Variants in ATXN7L1 observed in about 807,000 individuals in gnomAD.
ATXN7L1 encodes ataxin-7-like protein 1.
In ATXN7L1, 15 loss-of-function variants were observed where a neutral mutation model predicts 70.8. The observed-to-expected ratio is 0.21, with a 90% CI of 0.14 to 0.33. The LOEUF is 0.33. Among genes scored for constraint, ATXN7L1 ranks in the 10% least tolerant of loss-of-function variants. The probability of loss-of-function intolerance (pLI) is 1.00; values close to 1 mark genes in which losing one functional copy is unlikely to be tolerated. For synonymous variants in ATXN7L1, 440 were observed against 445.1 expected (o/e 0.99, Z 0.14); for missense variants, 975 against 1,097.1 (o/e 0.89, Z 1.57).
chr7:105,821,405 T>C (rs76463130), intron 2 of ATXN7L1, among the ~76,000 whole-genome samples: 2,872 of 152,320 alleles, frequency 0.019, 84 homozygotes, highest in African/African-American at 0.064. Flanking sequence ...AAAAACTGAC[T>C]AACACACACC....
At chr7:105,832,331 T>C (rs895210863) in intron 2 of ATXN7L1, among the ~76,000 whole-genome samples, 5 of 152,148 alleles carry the variant, frequency 3.3e-5, no homozygotes, top group African/African-American at 1.2e-4. Flanking sequence ...TGAAACCAAG[T>C]TTTACCTAAT....
chr7:105,613,920 T>A lies in ATXN7L1; in HGVS notation c.2414A>T (p.Asn805Ile). The A allele has an allele frequency of 6.4e-7, 1 of 1,551,890 alleles. No homozygotes were observed. The highest frequency in any genetic ancestry group is 8.7e-7 in the Non-Finnish European group (1 of 1,146,944). ...MPGMNSVHKK[N>I]PPSLLAPVPD... ...CACCGGTGCGAGAAGGCTGGGCGGG[T>A]TCTTTTTGTGAACGCTATTCATACC... The change falls in exon 10 of 12, where the codon AAC (asparagine) becomes ATC (isoleucine). Residue 805 changes from asparagine to isoleucine, a missense_variant. Around this residue, in one of 5 missense-constraint regions of ATXN7L1, gnomAD observed 635 missense variants for 699.4 expected, o/e 0.91. Coordinates refer to ENST00000419735, the MANE Select transcript of ATXN7L1 (RefSeq NM_020725.2).
intron 4 of ATXN7L1, among the ~76,000 whole-genome samples, chr7:105,659,815 C>T (rs2116032538): frequency 6.6e-6 from 1 of 152,304 alleles, no homozygotes; most frequent in African/African-American, 2.4e-5. Context: ...CTCTCTAGTC[C>T]TGGCCCATAC....
At chr7:105,629,486 A>T (rs1796256416) in intron 7 of ATXN7L1, among the ~76,000 whole-genome samples, 1 of 147,850 alleles carries the variant, frequency 6.8e-6, no homozygotes, top group African/African-American at 2.5e-5. Context: ...ATTATTTTTT[A>T]TATATATGTA....
chr7:105,832,988 C>T (rs1232596666), intron 2 of ATXN7L1, among the ~76,000 whole-genome samples: 1 of 152,204 alleles, frequency 6.6e-6, no homozygotes, highest in African/African-American at 2.4e-5. Flanking sequence ...AGATTCTCCA[C>T]AGAGCAGAGC....
At chr7:105,633,539 G>A (rs1796916606) in intron 7 of ATXN7L1, among the ~76,000 whole-genome samples, 1 of 152,056 alleles carries the variant, frequency 6.6e-6, no homozygotes, top group Admixed American at 6.5e-5. Flanking sequence ...CCAACACGGT[G>A]AAACCCCCAT....
At position 105,664,935 on chromosome 7, in the gene ATXN7L1, T is replaced by C. The variant is rs1802391199; in HGVS notation, c.578+131A>G. The C allele has an allele frequency of 6.3e-6, 6 of 946,656 alleles. No individual in the cohort carries two copies. In the South Asian group the frequency reaches 8.4e-5, roughly 13 times the overall value. The allele number at this position is 946,656 out of a possible 1,614,324, so 58.6% of individuals were successfully genotyped here. A position where few individuals can be genotyped will look rare whatever the true frequency, so the allele number is the denominator to read the frequency against. On this transcript the variant is annotated intron_variant, in intron 4 of 11. Coordinates refer to ENST00000419735, the MANE Select transcript of ATXN7L1 (RefSeq NM_020725.2). ...TCCATCATTTTGGGTTTCTGTCCTT[T>C]CATTCCTCAGTCCCCCAAATTCCTG... is the stretch of plus-strand genomic sequence containing the variant.
intron 2 of ATXN7L1, among the ~76,000 whole-genome samples, chr7:105,829,451 TA>T: frequency 6.6e-6 from 1 of 151,986 alleles, no homozygotes; most frequent in Middle Eastern, 3.4e-3. Context: ...GACTTTGTCT[TA>T]AAAAACAAAC....
At chr7:105,636,860 T>C (rs1797459649) in intron 7 of ATXN7L1, among the ~76,000 whole-genome samples, 1 of 152,198 alleles carries the variant, frequency 6.6e-6, no homozygotes, top group Non-Finnish European at 1.5e-5. Flanking sequence ...TCTACTTTCC[T>C]ATCAGGTACC....
chr7:105,732,267 G>A (rs75973278), intron 3 of ATXN7L1, among the ~76,000 whole-genome samples: 2 of 151,976 alleles, frequency 1.3e-5, no homozygotes, highest in South Asian at 2.1e-4. Flanking sequence ...AAAAAAATTC[G>A]CTGGGCGTGG....
chr7:105,789,238 G>C (rs930103112), intron 2 of ATXN7L1, among the ~76,000 whole-genome samples: 4 of 152,230 alleles, frequency 2.6e-5, no homozygotes, highest in African/African-American at 9.6e-5. Context: ...CTCATTTGCT[G>C]CCATCATTAC....
intron 2 of ATXN7L1, among the ~76,000 whole-genome samples, chr7:105,794,799 C>G (rs1805753927): frequency 6.6e-6 from 1 of 152,144 alleles, no homozygotes; most frequent in Non-Finnish European, 1.5e-5. Context: ...GGAGTTCTTT[C>G]CAATGTCTAT....
intron 2 of ATXN7L1, among the ~76,000 whole-genome samples, chr7:105,840,134 G>A (rs1252603001): frequency 6.6e-6 from 1 of 152,226 alleles, no homozygotes; most frequent in Non-Finnish European, 1.5e-5. Flanking sequence ...GGGCCCACAA[G>A]GGCCACAGTG....
intron 3 of ATXN7L1, among the ~76,000 whole-genome samples, chr7:105,776,652 A>G (rs1359030887): frequency 6.6e-6 from 1 of 152,132 alleles, no homozygotes; most frequent in Non-Finnish European, 1.5e-5. Context: ...GGATAAGTAC[A>G]TAAGAATTTG....
chr7:105,655,599 G>T (rs540095731), intron 4 of ATXN7L1, among the ~76,000 whole-genome samples: 132 of 152,236 alleles, frequency 8.7e-4, no homozygotes, highest in African/African-American at 3.0e-3. Context: ...AGCCTGAGAC[G>T]ACTCTCTGTG....
intron 3 of ATXN7L1, among the ~76,000 whole-genome samples, chr7:105,749,373 C>T (rs1308017356): frequency 1.3e-5 from 2 of 151,796 alleles, no homozygotes; most frequent in South Asian, 2.1e-4. Flanking sequence ...TATCTTTAGT[C>T]CTTAACCAAT....
At chr7:105,769,353 G>T (rs1033422631) in intron 3 of ATXN7L1, among the ~76,000 whole-genome samples, 1 of 152,228 alleles carries the variant, frequency 6.6e-6, no homozygotes, top group Middle Eastern at 3.4e-3. Flanking sequence ...TCTACCTCAC[G>T]GTATTCAAAA....
In ATXN7L1 at chr7:105,624,174, G is replaced by A. The variant is rs1209588019; in HGVS notation, c.1296C>T (p.Leu432=). The part of the protein sequence containing the change: ...EPPLPPVGGD[L]ASRLSSDEGE... Reference sequence around the variant, plus strand: ...CTTCATCACTGGACAGTCGGCTGGCGAGGTCACCTCCAACCGGTGGGAGTG... The same window carrying A: ...CTTCATCACTGGACAGTCGGCTGGCAAGGTCACCTCCAACCGGTGGGAGTG... The change falls in exon 8 of 12, where the codon CTC becomes CTT. Residue 432 remains leucine, a synonymous_variant. Coordinates refer to ENST00000419735, the MANE Select transcript of ATXN7L1 (RefSeq NM_020725.2). 6.5e-6 allele frequency: 10 copies of A among 1,532,574 alleles called. No homozygotes were observed. Among genetic ancestry groups the A allele is most frequent in the Non-Finnish European group, 8.8e-6 (10 of 1,136,526 alleles). The allele number at this position is 1,532,574 out of a possible 1,614,324, so 94.9% of individuals were successfully genotyped here. A position where few individuals can be genotyped will look rare whatever the true frequency, so the allele number is the denominator to read the frequency against.
chr7:105,868,269 C>T (rs1052451802), intron 2 of ATXN7L1, among the ~76,000 whole-genome samples: 2 of 152,148 alleles, frequency 1.3e-5, no homozygotes, highest in South Asian at 2.1e-4. Flanking sequence ...GAGCACTCAT[C>T]GCGGTCTACC....
Sources: allele counts gnomAD v4.1 joint callset (sites outside exome capture counted in the v4.1 genomes callset), GRCh38; gene constraint gnomAD v4.1.1; regional missense constraint gnomAD v4.1.1; transcripts MANE v1.5; gene names NCBI Gene and HGNC (gene_info 2026-07-23, HGNC 2026-07-21).